Variants in SLC13A2 observed in about 807,000 individuals in gnomAD.
The protein encoded by SLC13A2 is Na(+)-coupled citrate transporter.
Under a neutral mutation model 58.5 loss-of-function variants are expected in SLC13A2, and 40 were observed. That is an observed-to-expected ratio of 0.68 (90% CI 0.53 to 0.89). SLC13A2 has a LOEUF of 0.89. Among genes scored for constraint, SLC13A2 ranks in the 40% least tolerant of loss-of-function variants. SLC13A2 has a pLI of 0.00. For missense variants in SLC13A2, 694 were observed against 772.6 expected, an observed-to-expected ratio of 0.90 and a Z score of 1.21; for synonymous variants, 341 against 331.6, an observed-to-expected ratio of 1.03 and a Z score of -0.31.
chr17:28,473,737 T>A lies in SLC13A2; in HGVS notation c.25T>A (p.Trp9Arg). The A allele has an allele frequency of 6.2e-7, 1 of 1,614,074 alleles. No homozygotes were observed. Among genetic ancestry groups the A allele is most frequent in the Non-Finnish European group, 8.5e-7 (1 of 1,179,950 alleles). ...CATGGCCACCTGCTGGCAGGCCCTG[T>A]GGGCCTATCGCTCCTACCTGATCGT... MATCWQALWAYRSYLIVFF... is the reference protein window; with the variant it reads MATCWQALRAYRSYLIVFF... The change falls in exon 1 of 12, where the codon TGG (tryptophan) becomes AGG (arginine). Residue 9 changes from tryptophan to arginine, a missense_variant. Physicochemically the swap from Trp to Arg is moderately radical, Grantham distance 101. Coordinates refer to ENST00000314669, the MANE Select transcript of SLC13A2 (RefSeq NM_003984.4).
intron 1 of SLC13A2, among the ~76,000 whole-genome samples, chr17:28,477,194 T>TTTTTTGG (rs1491457281): frequency 2.1e-5 from 1 of 47,562 alleles, no homozygotes; most frequent in Non-Finnish European, 5.1e-5. Flanking sequence ...AAGTTTTTTG[T>TTTTTTGG]TTTTTTTTTT....
intron 1 of SLC13A2, among the ~76,000 whole-genome samples, chr17:28,484,799 G>C (rs1425729677): frequency 2.6e-5 from 4 of 152,176 alleles, no homozygotes; most frequent in African/African-American, 9.7e-5. Context: ...GCAGGACTGG[G>C]TGCATGGCCC....
At chr17:28,490,629 G>A (rs373960909) in intron 3 of SLC13A2, 39 bp downstream of exon 3, 54 of 1,588,206 alleles carry the variant, frequency 3.4e-5, no homozygotes, top group East Asian at 6.7e-5. Flanking sequence ...AGAACCTGAC[G>A]AGGAGATATT....
chr17:28,497,304 C>T lies in SLC13A2; in HGVS notation c.*35C>T. 6.3e-7 allele frequency: 1 copy of T among 1,588,024 alleles called. No homozygotes were observed. Among genetic ancestry groups the T allele is most frequent in the Non-Finnish European group, 8.6e-7 (1 of 1,164,490 alleles). ...CAGCCTGGCCATGCCCAGGAAGACC[C>T]ACCCCATTCCCACTCCTCTGAGCCC... On this transcript the variant is annotated 3_prime_UTR_variant, in exon 12 of 12. Coordinates refer to ENST00000314669, the MANE Select transcript of SLC13A2 (RefSeq NM_003984.4).
Position 28,497,303 on chromosome 17 carries a change from C to T in SLC13A2, c.*34C>T. On this transcript the variant is annotated 3_prime_UTR_variant, in exon 12 of 12. Transcript: ENST00000314669. Reference sequence around the variant, plus strand: ...ACAGCCTGGCCATGCCCAGGAAGACCCACCCCATTCCCACTCCTCTGAGCC... The same window carrying T: ...ACAGCCTGGCCATGCCCAGGAAGACTCACCCCATTCCCACTCCTCTGAGCC... 1.3e-6 allele frequency: 2 copies of T among 1,587,806 alleles called. No homozygotes were observed. The highest frequency in any genetic ancestry group is 1.7e-6 in the Non-Finnish European group (2 of 1,164,358).
intron 6 of SLC13A2, 141 bp downstream of exon 6, chr17:28,491,993 G>A: frequency 8.0e-7 from 1 of 1,253,126 alleles, no homozygotes; most frequent in Non-Finnish European, 1.1e-6. Context: ...CTGTGCACTT[G>A]GACCCCCATT....
chr17:28,476,376 C>T (rs934417922), intron 1 of SLC13A2, among the ~76,000 whole-genome samples: 4 of 152,032 alleles, frequency 2.6e-5, no homozygotes, highest in African/African-American at 9.7e-5. Context: ...TGAGACCAGC[C>T]TGGGCAACAT....
intron 4 of SLC13A2, among the ~76,000 whole-genome samples, 161 bp downstream of exon 4, chr17:28,491,067 G>T (rs1324451519): frequency 6.6e-6 from 1 of 152,194 alleles, no homozygotes; most frequent in Non-Finnish European, 1.5e-5. Context: ...TTTAAAAAAT[G>T]TCAAGTACCC....
chr17:28,479,028 G>A (rs1279286373), intron 1 of SLC13A2, among the ~76,000 whole-genome samples: 1 of 152,044 alleles, frequency 6.6e-6, no homozygotes, highest in Non-Finnish European at 1.5e-5. Flanking sequence ...GACCAGCCTG[G>A]GCAACATGGC....
chr17:28,490,292 T>G (rs782333760), intron 2 of SLC13A2, 162 bp from the exon 3 acceptor site: 5 of 1,577,586 alleles, frequency 3.2e-6, no homozygotes, highest in Non-Finnish European at 4.3e-6. Flanking sequence ...TAAATTTATT[T>G]TTTTTAAATG....
In SLC13A2 at chr17:28,494,533, T is replaced by A. The variant is rs781796752; in HGVS notation, c.1308+21T>A. On this transcript the variant is annotated intron_variant, in intron 9 of 11. Coordinates refer to ENST00000314669, the MANE Select transcript of SLC13A2 (RefSeq NM_003984.4). The surrounding 1 kb of genome is among the most constrained non-coding windows in gnomAD (Gnocchi z 4.0). ...GTGAGGTGAGAGGCCCCCAGCCCCC[T>A]CCTCAGCCTGTGTGAGGGTGTCTCT... 6.2e-7 allele frequency: 1 copy of A among 1,613,486 alleles called. No individual in the cohort carries two copies. The highest frequency in any genetic ancestry group is 1.1e-5 in the South Asian group (1 of 90,994).
rs147651145 is a variant in SLC13A2 at position 28,497,188 on chromosome 17, C to T, written c.1698C>T (p.His566=). Residue 566 remains histidine, a synonymous_variant, in exon 12 of 12, where the codon CAC becomes CAT. Coordinates refer to ENST00000314669, the MANE Select transcript of SLC13A2 (RefSeq NM_003984.4). ...NSWGIPLFSL[H]SFPSWAQSNT... The stretch of plus-strand genomic sequence containing the variant: ...GGGGCATCCCCCTCTTCAGCCTGCA[C>T]TCTTTCCCCTCCTGGGCACAGTCCA... 1.2e-6 allele frequency: 2 copies of T among 1,614,076 alleles called. No individual in the cohort carries two copies. The highest frequency in any genetic ancestry group is 1.3e-5 in the African/African-American group (1 of 74,930).
In SLC13A2 at chr17:28,497,058, G is replaced by A. The variant is rs782443731; in HGVS notation, c.1609-41G>A. 1.9e-6 allele frequency: 3 copies of A among 1,600,246 alleles called. No individual in the cohort carries two copies. In the South Asian group the frequency reaches 3.4e-5, roughly 18 times the overall value. On this transcript the variant is annotated intron_variant, in intron 11 of 11. Transcript: ENST00000314669. Reference sequence around the variant, plus strand: ...CACCTGGGGACTTGGGGGCAGTCCAGCCCAGTCCCTGCTTAGCCAAATGGA... The same window carrying A: ...CACCTGGGGACTTGGGGGCAGTCCAACCCAGTCCCTGCTTAGCCAAATGGA...
Position 28,496,613 on chromosome 17 carries a change from C to A in SLC13A2, c.1608+26C>A. On this transcript the variant is annotated intron_variant, in intron 11 of 11. Transcript: ENST00000314669. The surrounding 1 kb of genome is among the most constrained non-coding windows in gnomAD (Gnocchi z 4.2). ...GTAAGTGGCAGGGAGGCCTGAATGC[C>A]TCATCCCTCCTTCCTGCTCTGACTT... 4 of 1,597,018 alleles carry A rather than the reference C, an allele frequency of 2.5e-6. No individual in the cohort carries two copies. The highest frequency in any genetic ancestry group is 2.6e-6 in the Non-Finnish European group (3 of 1,168,500).
In SLC13A2 at chr17:28,490,919, A is replaced by G; in HGVS notation, c.574+13A>G. The G allele has an allele frequency of 6.2e-7, 1 of 1,605,600 alleles. No homozygotes were observed. The highest frequency in any genetic ancestry group is 1.1e-5 in the South Asian group (1 of 89,696). ...GTGACCAAGCTTGGTGAGAAAAATG[A>G]GGCTAGACTCTGCCCCAACCCCTTG... On this transcript the variant is annotated intron_variant, in intron 4 of 11. Transcript: ENST00000314669.
At chr17:28,482,244 T>C (rs2068798860) in intron 1 of SLC13A2, among the ~76,000 whole-genome samples, 3 of 151,436 alleles carry the variant, frequency 2.0e-5, no homozygotes, top group Admixed American at 1.3e-4. Context: ...GTAGAGACAG[T>C]GTTTCGCCAT....
At chr17:28,477,354 C>T (rs1000979709) in intron 1 of SLC13A2, among the ~76,000 whole-genome samples, 30 of 151,088 alleles carry the variant, frequency 2.0e-4, no homozygotes, top group South Asian at 4.2e-4. Context: ...CCACCACGCC[C>T]GGCTAATTTT....
rs782767746 is a variant in SLC13A2, at chr17:28,493,644, G to A, written c.952G>A (p.Glu318Lys). Residue 318 changes from glutamate to lysine, a missense_variant, in exon 7 of 12, where the codon GAG becomes AAG. By Grantham distance (56) the Glu-to-Lys change is moderately conservative. Coordinates refer to ENST00000314669, the MANE Select transcript of SLC13A2 (RefSeq NM_003984.4). The part of the protein sequence containing the change: ...QQAAYCVIQT[E>K]HRLLGPMTFA... ...GGCAGCCTACTGCGTCATCCAGACC[G>A]AGCACAGGCTGCTGGGCCCCATGAC... is the stretch of plus-strand genomic sequence containing the variant. 1.4e-5 allele frequency: 23 copies of A among 1,614,064 alleles called. No homozygotes were observed. The highest frequency in any genetic ancestry group is 1.6e-4 in the Middle Eastern group (1 of 6,082).
chr17:28,482,110 G>A (rs559859718), intron 1 of SLC13A2, among the ~76,000 whole-genome samples: 1 of 152,072 alleles, frequency 6.6e-6, no homozygotes, highest in Non-Finnish European at 1.5e-5. Flanking sequence ...TCTGCCTCCC[G>A]GGTGGTTCCG....
Sources: gnomAD v4.1 joint callset for allele counts (sites outside exome capture counted in the v4.1 genomes callset) on GRCh38, gnomAD v4.1.1 for gene constraint, Gnocchi (gnomAD v3.1) non-coding constraint, MANE v1.5 for transcripts, NCBI Gene and HGNC (gene_info 2026-07-23, HGNC 2026-07-21) for gene names.